Variants in CIITA observed in about 807,000 individuals in gnomAD.
CIITA encodes MHC class II transactivator.
CIITA carries 72 observed loss-of-function variants against 115.1 expected under a neutral mutation model. The ratio of observed to expected loss-of-function variants is 0.63; its 90% CI spans 0.52 to 0.76. The LOEUF (loss-of-function observed/expected upper bound fraction) is 0.76, where lower values mean the gene tolerates loss of function less well. CIITA is among the 30% of genes least tolerant of loss of function. The pLI, the probability that CIITA is intolerant of heterozygous loss-of-function variation, is 0.00. For synonymous variants in CIITA, 763 were observed against 635.6 expected, an observed-to-expected ratio of 1.20 and a Z score of -3.02; for missense variants, 1,617 against 1,463.8, an observed-to-expected ratio of 1.10 and a Z score of -1.71.
rs1357583133 is a variant in CIITA at position 10,902,152 on chromosome 16, A to G, written c.596A>G (p.Gln199Arg). Residue 199 changes from glutamine to arginine, a missense_variant, in exon 7 of 20, where the codon CAG (glutamine) becomes CGG (arginine). Physicochemically the swap from Gln to Arg is conservative, Grantham distance 43. Transcript: ENST00000324288. ...TTCAACCAGGAGCCAGCCTCCGGCC[A>G]GATGCGCCTGGAGAAAACCGACCAG... ...ALFNQEPASG[Q>R]MRLEKTDQIP... 6.2e-7 allele frequency: 1 copy of G among 1,614,200 alleles called. No homozygotes were observed. The highest frequency in any genetic ancestry group is 8.5e-7 in the Non-Finnish European group (1 of 1,180,020).
In CIITA at chr16:10,920,746, G is replaced by C. The variant is rs188868100; in HGVS notation, c.3150-1421G>C. Among the ~76,000 whole-genome samples, 14 of 152,336 alleles carry C rather than the reference G, an allele frequency of 9.2e-5. No homozygotes were observed. Among genetic ancestry groups the C allele is most frequent in the Admixed American group, 8.5e-4 (13 of 15,298 alleles). On this transcript the variant is annotated intron_variant, in intron 16 of 19. Coordinates refer to ENST00000324288, the MANE Select transcript of CIITA (RefSeq NM_000246.4). The surrounding 1 kb of genome is among the most constrained non-coding windows in gnomAD (Gnocchi z 4.5). ...CAGATTACTCTCCCTGTGGGGTGGA[G>C]GAAGGGTCTCCAGGGTTCAGAGATT...
intron 13 of CIITA, chr16:10,914,970 G>C (rs915058289): frequency 2.3e-6 from 1 of 437,480 alleles, no homozygotes. Context: ...GTTGGGAAGA[G>C]TAAGAACTGG....
chr16:10,899,796 A>G (rs1261616549), intron 5 of CIITA, among the ~76,000 whole-genome samples: 2 of 152,134 alleles, frequency 1.3e-5, no homozygotes, highest in Admixed American at 6.5e-5. Context: ...ATATTCAGTG[A>G]AGGCTGGGCG....
chr16:10,874,636 C>G (rs1278775298), upstream of CIITA, among the ~76,000 whole-genome samples: 1 of 152,204 alleles, frequency 6.6e-6, no homozygotes, highest in African/African-American at 2.4e-5. Context: ...CAGGCATGGT[C>G]AGGTTCAGGT....
rs1234186926 is a variant in CIITA, at chr16:10,879,219, C to T, written c.52+1837C>T. On this transcript the variant is annotated intron_variant, in intron 1 of 19. Coordinates refer to ENST00000324288, the MANE Select transcript of CIITA (RefSeq NM_000246.4). This position sits in a 1 kb window ranked among gnomAD's most constrained non-coding sequence, Gnocchi z 4.3. ...CCAGCATCCCCGCAACGACTCTGCG[C>T]GGGAACCAGGAGCCGGGAACCCGGA... 3.9e-5 allele frequency among the ~76,000 whole-genome samples: 6 copies of T among 152,284 alleles called. No homozygotes were observed. In the East Asian group the frequency reaches 1.2e-3, roughly 29 times the overall value.
Position 10,901,957 on chromosome 16 carries a change from T to C in CIITA, c.482-81T>C, listed in dbSNP as rs947613494. 1.9e-6 allele frequency: 3 copies of C among 1,564,134 alleles called. No homozygotes were observed. The highest frequency in any genetic ancestry group is 1.8e-6 in the Non-Finnish European group (2 of 1,140,812). On this transcript the variant is annotated intron_variant, in intron 6 of 19. Coordinates refer to ENST00000324288, the MANE Select transcript of CIITA (RefSeq NM_000246.4). This position sits in a 1 kb window ranked among gnomAD's most constrained non-coding sequence, Gnocchi z 6.8. ...AGCATTTCCTCTGTCAGGAGAGACATCCATGCCACTCCAGGGCCCTCCCCA... is the reference window on the plus strand; with the variant it reads ...AGCATTTCCTCTGTCAGGAGAGACACCCATGCCACTCCAGGGCCCTCCCCA...
intron 12 of CIITA, among the ~76,000 whole-genome samples, chr16:10,909,592 A>C (rs575080795): frequency 2.6e-5 from 4 of 152,378 alleles, no homozygotes; most frequent in Non-Finnish European, 5.9e-5. Flanking sequence ...ACTTGATTAC[A>C]GAACAAGTTA....
Position 10,923,850 on chromosome 16 carries a change from C to T in CIITA, c.*23-28C>T, listed in dbSNP as rs945831179. Reference sequence around the variant, plus strand: ...CCCCTCCTAGAGTGTCCTGCCTAAACCCCCTCTCCTGGCTCCTCCCGCTAC... The same window carrying T: ...CCCCTCCTAGAGTGTCCTGCCTAAATCCCCTCTCCTGGCTCCTCCCGCTAC... On this transcript the variant is annotated intron_variant, in intron 19 of 19. Transcript: ENST00000324288. The surrounding 1 kb of genome is among the most constrained non-coding windows in gnomAD (Gnocchi z 5.2). 1.2e-5 allele frequency: 2 copies of T among 164,196 alleles called. No homozygotes were observed. The highest frequency in any genetic ancestry group is 2.7e-5 in the Non-Finnish European group (2 of 75,304). The allele number at this position is 164,196 out of a possible 1,614,324, so 10.2% of individuals were successfully genotyped here.
intron 1 of CIITA, among the ~76,000 whole-genome samples, chr16:10,891,679 G>A (rs2037597327): frequency 6.6e-6 from 1 of 152,162 alleles, no homozygotes; most frequent in African/African-American, 2.4e-5. Context: ...AGGAGCTGGG[G>A]CAAAGGTGTC....
rs911135096 is a variant in CIITA, at chr16:10,918,613, A to G, written c.3149+87A>G. On this transcript the variant is annotated intron_variant, in intron 16 of 19. Transcript: ENST00000324288. ...CCACATCGTGCTGGCTGCAGGGGAC[A>G]CTGAGACCCTAGAAGCAATCACCAC... The G allele has an allele frequency of 6.9e-6, 8 of 1,151,772 alleles. No individual in the cohort carries two copies. The Admixed American group carries it at 8.8e-5, about 13-fold the overall frequency. 71.3% of individuals were successfully genotyped at this position (1,151,772 alleles called of 1,614,324 possible).
chr16:10,894,379 G>A (rs2037912528), intron 1 of CIITA, among the ~76,000 whole-genome samples: 1 of 152,162 alleles, frequency 6.6e-6, no homozygotes, highest in East Asian at 1.9e-4. Context: ...TATTTGGGCT[G>A]TTTTTATATT....
chr16:10,914,618 G>A lies in CIITA; in HGVS notation c.2889-952G>A, dbSNP rs561467314. ...ATATTTTTAAACTAAACGGCCCTTCGTTGTCCTTATTTTTCTCATCCCCTT... is the reference window on the plus strand; with the variant it reads ...ATATTTTTAAACTAAACGGCCCTTCATTGTCCTTATTTTTCTCATCCCCTT... On this transcript the variant is annotated intron_variant, in intron 13 of 19. Transcript: ENST00000324288. 3.9e-5 allele frequency among the ~76,000 whole-genome samples: 6 copies of A among 152,208 alleles called. No individual in the cohort carries two copies. In the South Asian group the frequency reaches 6.2e-4, roughly 16 times the overall value.
In CIITA at chr16:10,941,804, C is replaced by G. The variant is rs972512520; in HGVS notation, n.930C>G. 6.2e-7 allele frequency: 1 copy of G among 1,613,600 alleles called. No individual in the cohort carries two copies. Among genetic ancestry groups the G allele is most frequent in the East Asian group, 2.2e-5 (1 of 44,890 alleles). On this transcript the variant is annotated non_coding_transcript_exon_variant, in exon 2 of 2. Transcript: ENST00000573379. This position sits in a 1 kb window ranked among gnomAD's most constrained non-coding sequence, Gnocchi z 6.4. ...GGGTCGGAGAGCACGCCGAGGTCCA[C>G]GAGCGCCTGGTCCATGTCCTCGGGC... is the stretch of plus-strand genomic sequence containing the variant.
At chr16:10,915,698 G>A (rs2039905214) in intron 14 of CIITA, 48 bp downstream of exon 14, 2 of 1,516,808 alleles carry the variant, frequency 1.3e-6, no homozygotes, top group African/African-American at 2.7e-5. Flanking sequence ...TGGGTGCAGT[G>A]CTGTGATCAT....
chr16:10,912,303 G>A (rs547694215), intron 13 of CIITA, among the ~76,000 whole-genome samples: 17 of 151,974 alleles, frequency 1.1e-4, no homozygotes, highest in African/African-American at 2.7e-4. Flanking sequence ...TAGTAGAGAC[G>A]GGCTTTAACC....
At chr16:10,889,397 C>T (rs1207867121) in intron 1 of CIITA, among the ~76,000 whole-genome samples, 1 of 152,182 alleles carries the variant, frequency 6.6e-6, no homozygotes, top group Non-Finnish European at 1.5e-5. Flanking sequence ...GCCTGAATTT[C>T]AGCTTTGACA....
At chr16:10,884,752 A>G (rs1472550719) in intron 1 of CIITA, among the ~76,000 whole-genome samples, 1 of 152,140 alleles carries the variant, frequency 6.6e-6, no homozygotes, top group African/African-American at 2.4e-5. Flanking sequence ...AGCTGGCAGC[A>G]GAGCTGGGAA....
intron 11 of CIITA, chr16:10,908,733 T>G: frequency 1.7e-6 from 1 of 580,112 alleles, no homozygotes; most frequent in Non-Finnish European, 3.1e-6. Flanking sequence ...ATTGCTTCCA[T>G]ATTTCCCCCT....
intron 5 of CIITA, among the ~76,000 whole-genome samples, chr16:10,899,287 C>T (rs1304240153): frequency 6.6e-6 from 1 of 152,212 alleles, no homozygotes; most frequent in Non-Finnish European, 1.5e-5. Flanking sequence ...CTTCTCCACT[C>T]CTATAACCCA....
Sources: allele counts gnomAD v4.1 joint callset (sites outside exome capture counted in the v4.1 genomes callset), GRCh38; gene constraint gnomAD v4.1.1; non-coding constraint Gnocchi (gnomAD v3.1); transcripts MANE v1.5; gene names NCBI Gene and HGNC (gene_info 2026-07-23, HGNC 2026-07-21).